KCNQ2: variants seen among roughly 807,000 people sequenced by gnomAD.
KCNQ2 encodes potassium voltage-gated channel subfamily Q member 2.
KCNQ2 carries 14 observed loss-of-function variants against 84.8 expected under a neutral mutation model. The ratio of observed to expected loss-of-function variants is 0.17; its 90% CI spans 0.11 to 0.26. The LOEUF is 0.26. Among genes scored for constraint, KCNQ2 ranks in the 10% least tolerant of loss-of-function variants. The pLI, the probability that KCNQ2 is intolerant of heterozygous loss-of-function variation, is 1.00. For synonymous variants in KCNQ2, 599 were observed against 554.1 expected, an observed-to-expected ratio of 1.08 and a Z score of -1.14; for missense variants, 788 against 1,254.0, an observed-to-expected ratio of 0.63 and a Z score of 5.61.
chr20:63,442,701 TCACC>T (rs2081212938), intron 4 of KCNQ2, among the ~76,000 whole-genome samples, 170 bp from the exon 5 acceptor site: 2 of 48,060 alleles, frequency 4.2e-5, no homozygotes, highest in Admixed American at 2.1e-4. Context: ...ATCACCACCA[TCACC>T]ATCACCACCA....
chr20:63,417,640 C>T (rs1304133433), intron 12 of KCNQ2, among the ~76,000 whole-genome samples: 1 of 152,268 alleles, frequency 6.6e-6, no homozygotes, highest in African/African-American at 2.4e-5. Context: ...GGGTCAAATA[C>T]CCAGGCGGCC....
At chr20:63,453,116 G>A (rs1413440181) in intron 1 of KCNQ2, among the ~76,000 whole-genome samples, 1 of 151,376 alleles carries the variant, frequency 6.6e-6, no homozygotes, top group East Asian at 2.0e-4. Context: ...TCCAGCTGCC[G>A]CCCCGCGGTG....
chr20:63,442,986 T>TCACCA (rs2081259831), intron 4 of KCNQ2, among the ~76,000 whole-genome samples: 1 of 4,088 alleles, frequency 2.4e-4, no homozygotes, highest in Non-Finnish European at 4.9e-4. Context: ...ATCACCACCA[T>TCACCA]TACCATCACC....
chr20:63,443,574 CCAT>C (rs1375121313), intron 4 of KCNQ2: 3 of 150,876 alleles, frequency 2.0e-5, no homozygotes, highest in African/African-American at 4.9e-5. Flanking sequence ...ACCACCACCA[CCAT>C]CACTACCACC....
intron 5 of KCNQ2, among the ~76,000 whole-genome samples, chr20:63,442,066 G>A (rs976479941): frequency 3.3e-5 from 5 of 152,194 alleles, no homozygotes; most frequent in Admixed American, 2.6e-4. Context: ...GATCTCCTAG[G>A]GATGCCTCTT....
rs953867047 is a variant in KCNQ2 at position 63,425,824 on chromosome 20, G to A, written c.1218-1618C>T. ...GGTATGTGTGAGACCGTGGGTGTGC[G>A]CCAACCTGGGGCTAAAGTCCTCCAT... is the stretch of plus-strand genomic sequence containing the variant. On this transcript the variant is annotated intron_variant, in intron 10 of 16. Coordinates refer to ENST00000359125, the MANE Select transcript of KCNQ2 (RefSeq NM_172107.4). This position sits in a 1 kb window ranked among gnomAD's most constrained non-coding sequence, Gnocchi z 5.5. 3.3e-5 allele frequency among the ~76,000 whole-genome samples: 5 copies of A among 152,216 alleles called. No individual in the cohort carries two copies. The highest frequency in any genetic ancestry group is 1.9e-4 in the East Asian group (1 of 5,202).
chr20:63,453,877 G>T (rs2081692717), intron 1 of KCNQ2, among the ~76,000 whole-genome samples: 1 of 152,044 alleles, frequency 6.6e-6, no homozygotes, highest in Non-Finnish European at 1.5e-5. Context: ...AACAGGGCGG[G>T]GTGGGGACAA....
At chr20:63,469,655 G>A (rs1220533580) in intron 1 of KCNQ2, among the ~76,000 whole-genome samples, 2 of 152,272 alleles carry the variant, frequency 1.3e-5, no homozygotes, top group Admixed American at 1.3e-4. Flanking sequence ...CTGGGGACCT[G>A]TATTCAGCCA....
Position 63,407,326 on chromosome 20 carries a change from T to C in KCNQ2, c.1937A>G (p.Gln646Arg), listed in dbSNP as rs766755499. ...KLDFLVNIYM[Q>R]RMGIPPTETE... is the part of the protein sequence containing the mutation. Reference sequence around the variant, plus strand: ...CTCTGTCGGGGGGATGCCCATCCGCTGCATGTAGATATTCACCAGGAAGTC... The same window carrying C: ...CTCTGTCGGGGGGATGCCCATCCGCCGCATGTAGATATTCACCAGGAAGTC... The change falls in exon 17 of 17, where the codon CAG (glutamine) becomes CGG (arginine). Residue 646 changes from glutamine (Q) to arginine (R), a missense_variant. Transcript: ENST00000359125. The surrounding 1 kb of genome is among the most constrained non-coding windows in gnomAD (Gnocchi z 7.2). 5.6e-6 allele frequency: 9 copies of C among 1,597,166 alleles called. No homozygotes were observed. The highest frequency in any genetic ancestry group is 3.4e-6 in the Non-Finnish European group (4 of 1,178,994).
chr20:63,443,358 CCATCACCATCATCACCACCATCAT>C (rs2081303934), intron 4 of KCNQ2, among the ~76,000 whole-genome samples: 1 of 59,678 alleles, frequency 1.7e-5, no homozygotes, highest in East Asian at 4.7e-4. Flanking sequence ...ACCACCACCA[CCATCACCATCATCACCACCATCAT>C]CACCACCACC....
At chr20:63,443,340 C>T (rs1045077943) in intron 4 of KCNQ2, among the ~76,000 whole-genome samples, 30 of 3,466 alleles carry the variant, frequency 8.7e-3, no homozygotes, top group African/African-American at 0.024. Context: ...ACCATCACCA[C>T]CATCACCACC....
In KCNQ2 at chr20:63,444,830, G is replaced by A. The variant is rs1382985236; in HGVS notation, c.519C>T (p.Ile173=). The A allele has an allele frequency of 6.3e-7, 1 of 1,596,874 alleles. No individual in the cohort carries two copies. The highest frequency in any genetic ancestry group is 1.3e-5 in the African/African-American group (1 of 74,714). Residue 173 remains isoleucine (I), a synonymous_variant, in exon 4 of 17, where the codon ATC becomes ATT. Coordinates refer to ENST00000359125, the MANE Select transcript of KCNQ2 (RefSeq NM_172107.4). ...CCGCAATGGAGGCGATGAGCACCAT[G>A]ATGTCTACAAAGCGGGCGTGGAGCT... The part of the protein sequence containing the change: ...FARKPFCVID[I]MVLIASIAVL...
chr20:63,417,594 G>A (rs6090411), intron 12 of KCNQ2, among the ~76,000 whole-genome samples: 15,419 of 152,288 alleles, frequency 0.1, 1,730 homozygotes, highest in East Asian at 0.56. Flanking sequence ...TTGAGGAATG[G>A]GCATCAGATT....
At chr20:63,443,118 T>C (rs1403177565) in intron 4 of KCNQ2, among the ~76,000 whole-genome samples, 806 of 13,142 alleles carry the variant, frequency 0.061, 2 homozygotes, top group East Asian at 0.12. Flanking sequence ...CCACCACCAC[T>C]ATCACCACCA....
chr20:63,455,177 C>G (rs1474146380), intron 1 of KCNQ2, among the ~76,000 whole-genome samples: 1 of 152,178 alleles, frequency 6.6e-6, no homozygotes, highest in Non-Finnish European at 1.5e-5. Context: ...ATGGGAGGAC[C>G]GAGCAGCTTC....
At position 63,438,924 on chromosome 20, in the gene KCNQ2, G is replaced by A. The variant is rs980592584; in HGVS notation, c.928-204C>T. Among the ~76,000 whole-genome samples, 9 of 151,204 alleles carry A rather than the reference G, an allele frequency of 6.0e-5. No individual in the cohort carries two copies. The highest frequency in any genetic ancestry group is 2.0e-4 in the Admixed American group (3 of 15,164). ...CCCCCAGTTCATCAGGGTCAGACCC[G>A]TCTCCACCGATCCATGCCTCCCCCA... is the stretch of plus-strand genomic sequence containing the variant. On this transcript the variant is annotated intron_variant, in intron 6 of 16. Coordinates refer to ENST00000359125, the MANE Select transcript of KCNQ2 (RefSeq NM_172107.4). The surrounding 1 kb of genome is among the most constrained non-coding windows in gnomAD (Gnocchi z 5.1).
Position 63,438,623 on chromosome 20 carries a change from A to G in KCNQ2, c.1023+2T>C, listed in dbSNP as rs766608647. 2 of 1,613,248 alleles carry G rather than the reference A, an allele frequency of 1.2e-6. No individual in the cohort carries two copies. The highest frequency in any genetic ancestry group is 1.7e-6 in the Non-Finnish European group (2 of 1,179,694). On this transcript the variant is annotated splice_donor_variant, in intron 7 of 16. Transcript: ENST00000359125. LOFTEE classifies it high-confidence loss of function. This position sits in a 1 kb window ranked among gnomAD's most constrained non-coding sequence, Gnocchi z 5.1. ...TGGTCCCCGGGGGACACCTGGACTC[A>G]CCTGGATCAGGCCTGCTGCCGGGTT...
rs1060503977 is a variant in KCNQ2 at position 63,424,200 on chromosome 20, G to T, written c.1224C>A (p.Asp408Glu). Residue 408 changes from aspartate (D) to glutamate (E), a missense_variant, in exon 11 of 17, where the codon GAC (aspartate) becomes GAA (glutamate). By Grantham distance (45) the Asp-to-Glu change is conservative. Coordinates refer to ENST00000359125, the MANE Select transcript of KCNQ2 (RefSeq NM_172107.4). ...KSKSGLAFRK[D>E]PPPEPSPSKG... Reference sequence around the variant, plus strand: ...ACCTTGGAGACGGCTCCGGCGGGGGGTCCTTCCTTCAAACAGAAGCAACAG... The same window carrying T: ...ACCTTGGAGACGGCTCCGGCGGGGGTTCCTTCCTTCAAACAGAAGCAACAG... 2 of 1,555,464 alleles carry T rather than the reference G, an allele frequency of 1.3e-6. No individual in the cohort carries two copies. Among genetic ancestry groups the T allele is most frequent in the African/African-American group, 1.4e-5 (1 of 73,586 alleles).
At chr20:63,409,271 G>A (rs567252199) in intron 15 of KCNQ2, among the ~76,000 whole-genome samples, 227 of 152,336 alleles carry the variant, frequency 1.5e-3, no homozygotes, top group African/African-American at 4.6e-3. Flanking sequence ...CTGTGTGCAC[G>A]CGTGTGCATG....
Sources: allele counts gnomAD v4.1 joint callset (sites outside exome capture counted in the v4.1 genomes callset), GRCh38; gene constraint gnomAD v4.1.1; non-coding constraint Gnocchi (gnomAD v3.1); transcripts MANE v1.5; gene names NCBI Gene and HGNC (gene_info 2026-07-23, HGNC 2026-07-21).